The following OPCML variants were observed in gnomAD, a reference collection of about 807,000 sequenced individuals.
The protein encoded by OPCML is opioid binding protein/cell adhesion molecule like.
A neutral mutation model predicts 37.8 loss-of-function variants in OPCML; 13 were observed. The ratio of observed to expected loss-of-function variants is 0.34; its 90% CI spans 0.22 to 0.55. The LOEUF (loss-of-function observed/expected upper bound fraction) is 0.55. OPCML is among the 20% of genes least tolerant of loss of function. OPCML has a pLI of 0.91. For missense variants in OPCML, 341 were observed against 435.6 expected, an observed-to-expected ratio of 0.78 and a Z score of 1.93; for synonymous variants, 176 against 168.8, an observed-to-expected ratio of 1.04 and a Z score of -0.33.
chr11:132,513,759 A>T (rs2096273915), intron 4 of OPCML, among the ~76,000 whole-genome samples: 1 of 152,150 alleles, frequency 6.6e-6, no homozygotes, highest in Non-Finnish European at 1.5e-5. Flanking sequence ...TTTCACATTT[A>T]ACAACTGGAG....
intron 3 of OPCML, among the ~76,000 whole-genome samples, chr11:132,594,583 T>A (rs746197247): frequency 3.9e-5 from 6 of 152,204 alleles, no homozygotes; most frequent in Non-Finnish European, 8.8e-5. Flanking sequence ...TGGGTCAAAT[T>A]ATGAATACCA....
intron 1 of OPCML, among the ~76,000 whole-genome samples, chr11:133,496,182 T>C (rs1213675129): frequency 6.6e-6 from 1 of 152,200 alleles, no homozygotes; most frequent in East Asian, 1.9e-4. Flanking sequence ...TATGTTTTTG[T>C]TTGCTTTGTC....
At chr11:132,634,134 G>C (rs897805684) in intron 3 of OPCML, among the ~76,000 whole-genome samples, 3 of 152,182 alleles carry the variant, frequency 2.0e-5, no homozygotes, top group African/African-American at 7.2e-5. Flanking sequence ...GCTGCCCTCG[G>C]ACTTCCCCCT....
intron 1 of OPCML, among the ~76,000 whole-genome samples, chr11:133,043,561 G>T (rs367779856): frequency 6.6e-6 from 1 of 152,182 alleles, no homozygotes; most frequent in Non-Finnish European, 1.5e-5. Flanking sequence ...CTTTAGGAGG[G>T]CCTGTGCCAC....
chr11:132,517,620 T>C (rs1354512374), intron 4 of OPCML, among the ~76,000 whole-genome samples: 1 of 152,206 alleles, frequency 6.6e-6, no homozygotes, highest in African/African-American at 2.4e-5. Flanking sequence ...TCGGTCTCAA[T>C]TTTATCAGTG....
intron 3 of OPCML, among the ~76,000 whole-genome samples, chr11:132,584,364 C>G (rs1041835970): frequency 2.0e-5 from 3 of 152,120 alleles, no homozygotes; most frequent in African/African-American, 7.2e-5. Flanking sequence ...TTTTCACAAT[C>G]CTATCCTCTT....
intron 4 of OPCML, among the ~76,000 whole-genome samples, chr11:132,507,246 A>G (rs1026530725): frequency 1.3e-5 from 2 of 152,060 alleles, no homozygotes; most frequent in Non-Finnish European, 2.9e-5. Flanking sequence ...ACTTTATTAA[A>G]ATCCGGTATT....
intron 2 of OPCML, among the ~76,000 whole-genome samples, chr11:132,853,867 G>A (rs1325385300): frequency 6.6e-6 from 1 of 152,154 alleles, no homozygotes; most frequent in Non-Finnish European, 1.5e-5. Context: ...AAAATGTGCA[G>A]GGAGTTTTCC....
At chr11:132,531,504 C>A (rs1448921641) in intron 3 of OPCML, among the ~76,000 whole-genome samples, 1 of 152,188 alleles carries the variant, frequency 6.6e-6, no homozygotes, top group Non-Finnish European at 1.5e-5. Flanking sequence ...TTTTACGCTG[C>A]TGAGACCTTA....
chr11:133,304,465 T>C (rs568406286), intron 1 of OPCML, among the ~76,000 whole-genome samples: 8 of 152,324 alleles, frequency 5.3e-5, no homozygotes, highest in African/African-American at 1.9e-4. Context: ...ATTTTACAGA[T>C]GCAAAAGCAA....
chr11:133,344,231 G>A (rs900208386), intron 1 of OPCML, among the ~76,000 whole-genome samples: 1 of 152,188 alleles, frequency 6.6e-6, no homozygotes, highest in African/African-American at 2.4e-5. Flanking sequence ...GGCCGCCCCA[G>A]GTGGTATTTC....
chr11:133,148,774 G>C (rs56958388), intron 1 of OPCML, among the ~76,000 whole-genome samples: 2,713 of 152,270 alleles, frequency 0.018, 79 homozygotes, highest in African/African-American at 0.063. Flanking sequence ...CAGGATCAGA[G>C]AGACCCAACT....
chr11:133,523,010 C>A (rs1240036667), intron 1 of OPCML, among the ~76,000 whole-genome samples: 1 of 152,154 alleles, frequency 6.6e-6, no homozygotes, highest in East Asian at 1.9e-4. Flanking sequence ...TTGGTGGCCA[C>A]AAGCTACTAT....
At chr11:132,964,433 A>C (rs756280229) in intron 1 of OPCML, among the ~76,000 whole-genome samples, 20 of 152,196 alleles carry the variant, frequency 1.3e-4, no homozygotes, top group African/African-American at 4.8e-4. Flanking sequence ...CTGAGTAACT[A>C]TAAGAACTGA....
At chr11:132,939,027 C>T (rs1019130733) in intron 2 of OPCML, among the ~76,000 whole-genome samples, 3 of 152,152 alleles carry the variant, frequency 2.0e-5, no homozygotes, top group African/African-American at 4.8e-5. Context: ...CTTTATGGAC[C>T]TGTCCCTGCT....
At chr11:133,185,743 G>A (rs2136292921) in intron 1 of OPCML, among the ~76,000 whole-genome samples, 1 of 152,242 alleles carries the variant, frequency 6.6e-6, no homozygotes, top group South Asian at 2.1e-4. Context: ...CCTTTCTTTG[G>A]TGGGTCTGCA....
chr11:132,464,690 G>A (rs1267324829), intron 4 of OPCML, among the ~76,000 whole-genome samples: 1 of 151,898 alleles, frequency 6.6e-6, no homozygotes, highest in Non-Finnish European at 1.5e-5. Context: ...TCAAATTAAC[G>A]CCACGCAGAG....
At chr11:132,775,622 A>G (rs903723936) in intron 2 of OPCML, among the ~76,000 whole-genome samples, 5 of 152,140 alleles carry the variant, frequency 3.3e-5, no homozygotes, top group African/African-American at 7.2e-5. Flanking sequence ...CCAGTGACGC[A>G]ATGATGTCCT....
At chr11:132,790,524 T>A (rs190670860) in intron 2 of OPCML, among the ~76,000 whole-genome samples, 1 of 152,348 alleles carries the variant, frequency 6.6e-6, no homozygotes, top group East Asian at 1.9e-4. Context: ...CAAAACACTA[T>A]GGAATGATAG....
Sources: gnomAD v4.1 joint callset for allele counts (sites outside exome capture counted in the v4.1 genomes callset) on GRCh38, gnomAD v4.1.1 for gene constraint, MANE v1.5 for transcripts, NCBI Gene and HGNC (gene_info 2026-07-23, HGNC 2026-07-21) for gene names.